TPO: variants seen among roughly 807,000 people sequenced by gnomAD.
TPO encodes thyroid peroxidase.
A neutral mutation model predicts 96.9 loss-of-function variants in TPO; 78 were observed. The ratio of observed to expected loss-of-function variants is 0.81; its 90% CI spans 0.67 to 0.97. The LOEUF (loss-of-function observed/expected upper bound fraction) is 0.97. TPO is among the 50% of genes least tolerant of loss of function. The pLI, the probability that TPO is intolerant of heterozygous loss-of-function variation, is 0.00. For missense variants in TPO, 1,252 were observed against 1,274.8 expected (o/e 0.98, Z 0.27); for synonymous variants, 547 against 538.0 (o/e 1.02, Z -0.23).
At chr2:1,419,499 G>A (rs1663288955) in intron 2 of TPO, among the ~76,000 whole-genome samples, 1 of 152,128 alleles carries the variant, frequency 6.6e-6, no homozygotes, top group Non-Finnish European at 1.5e-5. Flanking sequence ...CCTAAAAGTA[G>A]AACATAAATC....
intron 7 of TPO, among the ~76,000 whole-genome samples, chr2:1,468,164 C>G (rs921136960): frequency 2.6e-5 from 4 of 152,042 alleles, no homozygotes; most frequent in Non-Finnish European, 5.9e-5. Context: ...TTAGGTGGAG[C>G]ATTTAGACCA....
chr2:1,414,290 G>A (rs748639917), intron 1 of TPO, 118 bp from the exon 2 acceptor site: 22 of 966,416 alleles, frequency 2.3e-5, no homozygotes, highest in Non-Finnish European at 3.2e-5. Context: ...CGCTCACTGC[G>A]GTAGAGGCTG....
chr2:1,433,797 T>C (rs1008965479), intron 4 of TPO, among the ~76,000 whole-genome samples, 190 bp downstream of exon 4: 3 of 152,244 alleles, frequency 2.0e-5, no homozygotes, highest in Admixed American at 6.5e-5. Flanking sequence ...TATCTTATTT[T>C]TGTTACTCTG....
chr2:1,394,965 T>A (rs1044382571), intron 1 of TPO, among the ~76,000 whole-genome samples: 4 of 152,154 alleles, frequency 2.6e-5, no homozygotes, highest in African/African-American at 7.2e-5. Flanking sequence ...TCCGCTTCCC[T>A]GCACACCATA....
chr2:1,464,171 C>T (rs1668692450), intron 7 of TPO, among the ~76,000 whole-genome samples: 1 of 152,176 alleles, frequency 6.6e-6, no homozygotes, highest in Non-Finnish European at 1.5e-5. Context: ...TCTTGAGTTA[C>T]TTCACTTAGA....
At chr2:1,525,947 C>T (rs1465884425) in intron 15 of TPO, among the ~76,000 whole-genome samples, 1 of 139,710 alleles carries the variant, frequency 7.2e-6, no homozygotes, top group African/African-American at 2.7e-5. Context: ...TCATATCCCC[C>T]GACTGTTTAC....
At chr2:1,378,394 C>T (rs1661755215) in intron 1 of TPO, among the ~76,000 whole-genome samples, 1 of 152,236 alleles carries the variant, frequency 6.6e-6, no homozygotes, top group East Asian at 1.9e-4. Flanking sequence ...TGCTTTTTCC[C>T]AGGGCTGTGG....
At chr2:1,405,560 T>C (rs1209340458) in intron 1 of TPO, among the ~76,000 whole-genome samples, 1 of 145,322 alleles carries the variant, frequency 6.9e-6, no homozygotes, top group Non-Finnish European at 1.5e-5. Flanking sequence ...CCCACCCCAC[T>C]CTCCCAGATT....
At chr2:1,480,824 C>CCACACCACCTTCCT (rs1558339135) in intron 8 of TPO, among the ~76,000 whole-genome samples, 2 of 133,650 alleles carry the variant, frequency 1.5e-5, no homozygotes, top group African/African-American at 5.2e-5. Flanking sequence ...CACACCACGT[C>CCACACCACCTTCCT]CCTGCTGCTG....
intron 8 of TPO, chr2:1,478,014 A>ATAAT: frequency 1.0e-6 from 1 of 985,416 alleles, no homozygotes; most frequent in African/African-American, 1.7e-5. Flanking sequence ...AACTCATTTA[A>ATAAT]TAATTCCCAG....
intron 15 of TPO, among the ~76,000 whole-genome samples, chr2:1,539,227 C>A (rs1335853405): frequency 6.6e-6 from 1 of 152,166 alleles, no homozygotes; most frequent in African/African-American, 2.4e-5. Flanking sequence ...CGCACGAACA[C>A]CTGACCTTCA....
Position 1,458,989 on chromosome 2 carries a change from A to C in TPO, c.819+2707A>C, listed in dbSNP as rs184473480. On this transcript the variant is annotated intron_variant, in intron 7 of 16. Transcript: ENST00000329066. ...TGATAGATCCAGGGGTAAGATTGCT[A>C]AGTCACGGTGGAGGTGCCTGTGGAA... 3.3e-5 allele frequency among the ~76,000 whole-genome samples: 5 copies of C among 152,232 alleles called. No homozygotes were observed. The East Asian group carries it at 9.6e-4, about 29-fold the overall frequency.
intron 3 of TPO, 48 bp from the exon 4 acceptor site, chr2:1,433,390 G>A (rs1471741495): frequency 2.5e-6 from 4 of 1,606,644 alleles, no homozygotes; most frequent in Non-Finnish European, 3.4e-6. Flanking sequence ...AAGTACCAAA[G>A]ATACCATAGA....
At chr2:1,472,521 G>T (rs1174157145) in intron 7 of TPO, among the ~76,000 whole-genome samples, 1 of 152,158 alleles carries the variant, frequency 6.6e-6, no homozygotes, top group African/African-American at 2.4e-5. Context: ...TTCTCACTCA[G>T]TAGTGATGTG....
chr2:1,486,843 C>G (rs900028326), intron 9 of TPO, among the ~76,000 whole-genome samples: 1 of 152,186 alleles, frequency 6.6e-6, no homozygotes, highest in Non-Finnish European at 1.5e-5. Flanking sequence ...CCGGCGATAC[C>G]TGCTTAGATG....
intron 15 of TPO, among the ~76,000 whole-genome samples, chr2:1,538,153 C>T (rs1177471283): frequency 7.1e-6 from 1 of 140,764 alleles, no homozygotes; most frequent in Non-Finnish European, 1.6e-5. Flanking sequence ...ATACCCCATA[C>T]TGTGTACAAC....
intron 1 of TPO, among the ~76,000 whole-genome samples, chr2:1,392,761 T>C (rs972156598): frequency 6.6e-6 from 1 of 152,184 alleles, no homozygotes; most frequent in Non-Finnish European, 1.5e-5. Context: ...TTTTCTTCTA[T>C]ATTTTTTAGT....
intron 9 of TPO, among the ~76,000 whole-genome samples, chr2:1,486,299 A>T (rs950642435): frequency 3.9e-4 from 59 of 152,164 alleles, no homozygotes; most frequent in African/African-American, 1.4e-3. Context: ...AGGCAGGCGG[A>T]TCACTTGAGG....
chr2:1,404,043 C>T (rs11675434), intron 1 of TPO, among the ~76,000 whole-genome samples: 59,058 of 152,078 alleles, frequency 0.39, 11,702 homozygotes, highest in Admixed American at 0.49. Flanking sequence ...ATGCATGGAG[C>T]GGAGAATCTA....
Sources: allele counts gnomAD v4.1 joint callset (sites outside exome capture counted in the v4.1 genomes callset), GRCh38; gene constraint gnomAD v4.1.1; transcripts MANE v1.5; gene names NCBI Gene and HGNC (gene_info 2026-07-23, HGNC 2026-07-21).